The following LYRM4 variants were observed in gnomAD, a reference collection of about 807,000 sequenced individuals.
LYRM4 encodes the protein LYR motif-containing protein 4.
Under a neutral mutation model 11.7 loss-of-function variants are expected in LYRM4, and 9 were observed. The observed-to-expected ratio is 0.77, with a 90% CI of 0.46 to 1.34. LYRM4 has a LOEUF of 1.34. LYRM4 is among the 40% of genes most tolerant of loss of function. The probability of loss-of-function intolerance (pLI) is 0.00; values close to 1 mark genes in which losing one functional copy is unlikely to be tolerated. For missense variants in LYRM4, 133 were observed against 112.5 expected, an observed-to-expected ratio of 1.18 and a Z score of -0.82; for synonymous variants, 42 against 40.4, an observed-to-expected ratio of 1.04 and a Z score of -0.15.
chr6:5,079,995 C>A, the LYRM4 span, among the ~76,000 whole-genome samples: 1 of 152,314 alleles, frequency 6.6e-6, no homozygotes, highest in East Asian at 1.9e-4. Flanking sequence ...TGGTATTGAA[C>A]TCTGGTTCTA....
chr6:5,049,983 T>C, the LYRM4 span, among the ~76,000 whole-genome samples: 1 of 152,380 alleles, frequency 6.6e-6, no homozygotes, highest in Admixed American at 6.5e-5. Context: ...AGTGTCATTC[T>C]TCTAGAATAT....
intron 2 of LYRM4, among the ~76,000 whole-genome samples, chr6:5,197,282 G>C (rs1024942254): frequency 2.6e-5 from 4 of 152,132 alleles, no homozygotes; most frequent in African/African-American, 4.8e-5. Flanking sequence ...TTGGTTGAAG[G>C]GGGGGGCCAA....
rs75255073 is a variant in LYRM4 at position 5,129,357 on chromosome 6, G to A, written c.208-19866C>T. Among the ~76,000 whole-genome samples, 687 of 152,316 alleles carry A rather than the reference G, an allele frequency of 4.5e-3. 7 individuals carry two copies. Among genetic ancestry groups the A allele is most frequent in the African/African-American group, 0.016 (660 of 41,564 alleles). ...CCAGAAGTCAAAAATCAGTTTCACTGGGTGAAAGTCAAGGTGTTGTCAGGG... is the reference window on the plus strand; with the variant it reads ...CCAGAAGTCAAAAATCAGTTTCACTAGGTGAAAGTCAAGGTGTTGTCAGGG... On this transcript the variant is annotated intron_variant, in intron 2 of 2. Transcript: ENST00000330636.
chr6:5,118,577 T>C (rs1286972249), intron 2 of LYRM4, among the ~76,000 whole-genome samples: 1 of 152,202 alleles, frequency 6.6e-6, no homozygotes, highest in African/African-American at 2.4e-5. Flanking sequence ...CTGCAATTCA[T>C]GCAGCAATTG....
At chr6:5,139,194 G>T (rs557560490) in intron 2 of LYRM4, among the ~76,000 whole-genome samples, 28 of 152,310 alleles carry the variant, frequency 1.8e-4, no homozygotes, top group Non-Finnish European at 3.8e-4. Flanking sequence ...GCTGGTGAGC[G>T]GCAGGGCAAA....
the LYRM4 span, among the ~76,000 whole-genome samples, chr6:5,044,876 C>T: frequency 6.6e-6 from 1 of 152,200 alleles, no homozygotes; most frequent in East Asian, 1.9e-4. Context: ...TGCTACTCTA[C>T]AGCCTGCCTG....
rs140795200 is a variant in LYRM4, at chr6:5,187,401, G to A, written c.207+29217C>T. Among the ~76,000 whole-genome samples the A allele has an allele frequency of 7.9e-5, 12 of 152,278 alleles. No homozygotes were observed. In the East Asian group the frequency reaches 2.1e-3, roughly 27 times the overall value. ...GCAAAAAGCTGAAATCAATGTAAAC[G>A]TCCATCATTAAGTGGCTAATTAGAT... On this transcript the variant is annotated intron_variant, in intron 2 of 2. Coordinates refer to ENST00000330636, the MANE Select transcript of LYRM4 (RefSeq NM_020408.6).
At chr6:5,042,015 T>C in the LYRM4 span, among the ~76,000 whole-genome samples, 1 of 152,196 alleles carries the variant, frequency 6.6e-6, no homozygotes, top group Non-Finnish European at 1.5e-5. Flanking sequence ...TATTTCAAAA[T>C]GGAAGATGAT....
At chr6:5,146,677 A>G (rs1757746268) in intron 2 of LYRM4, among the ~76,000 whole-genome samples, 1 of 152,170 alleles carries the variant, frequency 6.6e-6, no homozygotes, top group Non-Finnish European at 1.5e-5. Flanking sequence ...CTGTCCAGTG[A>G]ACAGCTTAGG....
chr6:5,244,859 CG>C (rs1008474084), intron 1 of LYRM4, among the ~76,000 whole-genome samples: 3 of 151,196 alleles, frequency 2.0e-5, no homozygotes, highest in Non-Finnish European at 4.4e-5. Flanking sequence ...ATGGCACTGA[CG>C]GGGGTAGCTG....
intron 2 of LYRM4, among the ~76,000 whole-genome samples, chr6:5,113,749 T>A (rs78298457): frequency 7.5e-6 from 1 of 132,548 alleles, no homozygotes; most frequent in African/African-American, 2.8e-5. Flanking sequence ...TTTTTTTTTT[T>A]AGAGACAGGT....
intron 1 of LYRM4, among the ~76,000 whole-genome samples, chr6:5,226,249 GTGTTCCTGAGAACA>G (rs1221862388): frequency 3.3e-5 from 5 of 152,136 alleles, no homozygotes; most frequent in Non-Finnish European, 7.3e-5. Context: ...ATTCATCCAT[GTGTTCCTGAGAACA>G]TGTTCCTGAG....
At chr6:5,239,825 A>G (rs139778933) in intron 1 of LYRM4, among the ~76,000 whole-genome samples, 1,499 of 148,820 alleles carry the variant, frequency 0.01, 17 homozygotes, top group African/African-American at 0.036. Context: ...AGACCTGCAG[A>G]ATCTGGGTTT....
the LYRM4 span, among the ~76,000 whole-genome samples, chr6:5,073,813 G>A: frequency 0.024 from 3,721 of 152,184 alleles, 151 homozygotes; most frequent in African/African-American, 0.085. Context: ...ATGACATCCC[G>A]TAACTATTCA....
At chr6:5,229,928 T>C (rs966532245) in intron 1 of LYRM4, among the ~76,000 whole-genome samples, 2 of 152,240 alleles carry the variant, frequency 1.3e-5, no homozygotes, top group African/African-American at 4.8e-5. Context: ...TTTAAGATCT[T>C]TGACCTATAA....
At position 5,108,975 on chromosome 6, in the gene LYRM4, AACC is replaced by A; in HGVS notation, c.*445_*447del. 1 of 999,718 alleles carries A rather than the reference AACC, an allele frequency of 1.0e-6. No homozygotes were observed. Among genetic ancestry groups the A allele is most frequent in the Non-Finnish European group, 1.2e-6 (1 of 837,418 alleles). The allele number at this position is 999,718 out of a possible 1,614,324, so 61.9% of individuals were successfully genotyped here. On this transcript the variant is annotated 3_prime_UTR_variant, in exon 3 of 3. Coordinates refer to ENST00000330636, the MANE Select transcript of LYRM4 (RefSeq NM_020408.6). ...CAAGGCAGTTCTCGTCTCAGAGTTG[AACC>A]CTCCCTGAGGGCCCCCAACAGCCCT...
intron 2 of LYRM4, among the ~76,000 whole-genome samples, chr6:5,176,398 G>C (rs973260622): frequency 2.0e-5 from 3 of 152,190 alleles, no homozygotes; most frequent in African/African-American, 7.2e-5. Flanking sequence ...GAAACAGATT[G>C]TTGGTATACT....
chr6:5,222,557 T>C (rs1256247543), intron 1 of LYRM4, among the ~76,000 whole-genome samples: 1 of 152,064 alleles, frequency 6.6e-6, no homozygotes, highest in African/African-American at 2.4e-5. Context: ...CCAAGGGGAC[T>C]GGTTTGAGGT....
chr6:5,153,253 G>C (rs1758198310), intron 2 of LYRM4, among the ~76,000 whole-genome samples: 3 of 152,138 alleles, frequency 2.0e-5, no homozygotes, highest in Admixed American at 2.0e-4. Flanking sequence ...CAACACGCCT[G>C]GCTAATTTTT....
Sources: allele counts gnomAD v4.1 joint callset (sites outside exome capture counted in the v4.1 genomes callset), GRCh38; gene constraint gnomAD v4.1.1; transcripts MANE v1.5; gene names NCBI Gene and HGNC (gene_info 2026-07-23, HGNC 2026-07-21).